Variants in ANXA8 observed in about 807,000 individuals in gnomAD.
ANXA8 encodes annexin A8.
A neutral mutation model predicts 26.8 loss-of-function variants in ANXA8; 9 were observed. The observed-to-expected ratio is 0.34, with a 90% CI of 0.20 to 0.59. The LOEUF (loss-of-function observed/expected upper bound fraction) is 0.59. Ranked by LOEUF, ANXA8 falls within the 20% of genes least tolerant of loss-of-function variation. ANXA8 has a pLI of 0.84. For synonymous variants in ANXA8, 39 were observed against 94.8 expected (o/e 0.41, Z 3.42); for missense variants, 83 against 238.5 (o/e 0.35, Z 4.29).
At chr10:47,679,873 G>C in the ANXA8 span, among the ~76,000 whole-genome samples, 1 of 152,038 alleles carries the variant, frequency 6.6e-6, no homozygotes, top group Admixed American at 6.6e-5. Flanking sequence ...AACTGTGTTC[G>C]TGCCACTGCA....
chr10:47,703,359 G>A, the ANXA8 span, among the ~76,000 whole-genome samples: 1 of 151,786 alleles, frequency 6.6e-6, no homozygotes, highest in African/African-American at 2.4e-5. Flanking sequence ...CTTGAGCCCA[G>A]GAGTTCGAGA....
chr10:47,481,727 CT>C (rs1178149945), intron 1 of ANXA8, among the ~76,000 whole-genome samples: 502 of 146,806 alleles, frequency 3.4e-3, no homozygotes, highest in African/African-American at 0.012. Flanking sequence ...TCACTTCCCA[CT>C]CTAAGGTTTT....
chr10:47,939,087 G>A, the ANXA8 span, among the ~76,000 whole-genome samples: 1 of 145,420 alleles, frequency 6.9e-6, no homozygotes, highest in Admixed American at 6.8e-5. Context: ...CAGCTGACAG[G>A]CATTTTCACT....
At chr10:47,957,525 T>C in the ANXA8 span, among the ~76,000 whole-genome samples, 2 of 150,010 alleles carry the variant, frequency 1.3e-5, no homozygotes, top group African/African-American at 5.0e-5. Flanking sequence ...GCTCTGGGAG[T>C]CCTTACAATA....
chr10:47,580,007 C>T, the ANXA8 span, among the ~76,000 whole-genome samples: 1 of 149,946 alleles, frequency 6.7e-6, no homozygotes, highest in South Asian at 2.1e-4. Flanking sequence ...CAATCTCTGC[C>T]TCCCAGACTC....
At chr10:47,682,349 C>A in the ANXA8 span, among the ~76,000 whole-genome samples, 6 of 143,686 alleles carry the variant, frequency 4.2e-5, no homozygotes, top group African/African-American at 1.6e-4. Context: ...CTATCTCCAA[C>A]CCTTTGAGAA....
the ANXA8 span, among the ~76,000 whole-genome samples, chr10:47,736,597 G>GT: frequency 1.3e-5 from 2 of 150,288 alleles, no homozygotes; most frequent in Non-Finnish European, 3.0e-5. Context: ...TAGTTGTTAG[G>GT]TTTAAAAAAG....
the ANXA8 span, among the ~76,000 whole-genome samples, chr10:47,657,448 A>G: frequency 6.6e-6 from 1 of 152,010 alleles, no homozygotes; most frequent in South Asian, 2.1e-4. Context: ...AAATTATAAT[A>G]ATTCATATCC....
chr10:47,566,451 C>T, the ANXA8 span, among the ~76,000 whole-genome samples: 2 of 151,784 alleles, frequency 1.3e-5, no homozygotes, highest in African/African-American at 4.9e-5. Context: ...CCCCACCCAC[C>T]GCCCCTGCTC....
the ANXA8 span, among the ~76,000 whole-genome samples, chr10:47,560,388 G>T: frequency 6.6e-6 from 1 of 151,796 alleles, no homozygotes; most frequent in Non-Finnish European, 1.5e-5. Flanking sequence ...AGTGATTTAT[G>T]TGTGGGAGAA....
the ANXA8 span, among the ~76,000 whole-genome samples, chr10:47,650,761 C>A: frequency 7.0e-6 from 1 of 143,424 alleles, no homozygotes; most frequent in Non-Finnish European, 1.5e-5. Flanking sequence ...GAGTGGAGAT[C>A]GCACCACTGC....
chr10:47,649,864 G>T, the ANXA8 span, among the ~76,000 whole-genome samples: 36 of 146,642 alleles, frequency 2.5e-4, 1 homozygote, highest in Non-Finnish European at 9.0e-5. Flanking sequence ...TGAGTAGCTG[G>T]GACTGTAGGC....
At chr10:47,585,627 G>T in the ANXA8 span, among the ~76,000 whole-genome samples, 2 of 146,084 alleles carry the variant, frequency 1.4e-5, no homozygotes, top group Non-Finnish European at 3.0e-5. Flanking sequence ...AAGAAAATAA[G>T]TATAAACCAC....
At chr10:47,761,103 CA>C in the ANXA8 span, among the ~76,000 whole-genome samples, 1 of 2,144 alleles carries the variant, frequency 4.7e-4, no homozygotes, top group Non-Finnish European at 8.3e-3. Context: ...CACACACACG[CA>C]CACACACACA....
chr10:47,646,130 G>GTCTCTA, the ANXA8 span, among the ~76,000 whole-genome samples: 1 of 148,396 alleles, frequency 6.7e-6, no homozygotes, highest in Non-Finnish European at 1.5e-5. Context: ...TATCTCATCT[G>GTCTCTA]TCTCTATCTC....
chr10:47,628,388 A>G, the ANXA8 span, among the ~76,000 whole-genome samples: 2 of 151,680 alleles, frequency 1.3e-5, no homozygotes, highest in Non-Finnish European at 1.5e-5. Context: ...CAAGATAAAC[A>G]TTTTTATAAT....
chr10:47,491,775 C>T, the ANXA8 span: 2 of 1,502,680 alleles, frequency 1.3e-6, no homozygotes, highest in Admixed American at 2.0e-5. Flanking sequence ...GCAATAAGCC[C>T]TCACCCCAGC....
At chr10:47,752,998 C>T in the ANXA8 span, 4 of 134,440 alleles carry the variant, frequency 3.0e-5, no homozygotes, top group Non-Finnish European at 6.3e-5. Context: ...ATCCCAGCTA[C>T]TTGGGAGGCT....
At chr10:47,907,343 C>A in the ANXA8 span, among the ~76,000 whole-genome samples, 2 of 151,570 alleles carry the variant, frequency 1.3e-5, no homozygotes, top group South Asian at 2.1e-4. Context: ...GGCGACAGAG[C>A]GAGACTCCGT....
Sources: gnomAD v4.1 joint callset for allele counts (sites outside exome capture counted in the v4.1 genomes callset) on GRCh38, gnomAD v4.1.1 for gene constraint, MANE v1.5 for transcripts, NCBI Gene and HGNC (gene_info 2026-07-23, HGNC 2026-07-21) for gene names.